RORA: variants seen among roughly 807,000 people sequenced by gnomAD.
RORA encodes the protein RAR related orphan receptor A, also known as nuclear receptor ROR-alpha.
Under a neutral mutation model 69.5 loss-of-function variants are expected in RORA, and 7 were observed. That is an observed-to-expected ratio of 0.10 (90% CI 0.06 to 0.19). RORA has a LOEUF of 0.19. Among genes scored for constraint, RORA ranks in the 10% least tolerant of loss-of-function variants. The pLI, the probability that RORA is intolerant of heterozygous loss-of-function variation, is 1.00. For synonymous variants in RORA, 261 were observed against 240.8 expected (o/e 1.08, Z -0.78); for missense variants, 457 against 663.0 (o/e 0.69, Z 3.41).
intron 1 of RORA, among the ~76,000 whole-genome samples, chr15:60,786,040 A>G (rs1229667504): frequency 6.6e-6 from 1 of 152,238 alleles, no homozygotes; most frequent in Non-Finnish European, 1.5e-5. Flanking sequence ...ACTTCACCAA[A>G]ATCTTTTATT....
At chr15:61,198,412 G>A (rs560001342) in intron 1 of RORA, among the ~76,000 whole-genome samples, 1 of 152,172 alleles carries the variant, frequency 6.6e-6, no homozygotes, top group African/African-American at 2.4e-5. Context: ...ATCCACATCT[G>A]CATTTGCTAA....
chr15:61,071,819 A>G (rs1595948583), intron 1 of RORA, among the ~76,000 whole-genome samples: 1 of 152,198 alleles, frequency 6.6e-6, no homozygotes, highest in East Asian at 1.9e-4. Flanking sequence ...GTGTTACTAA[A>G]TACTGTTCTC....
intron 1 of RORA, among the ~76,000 whole-genome samples, chr15:61,114,624 C>T (rs2079034367): frequency 1.3e-5 from 2 of 152,170 alleles, no homozygotes; most frequent in South Asian, 4.1e-4. Flanking sequence ...AGTAAAAATG[C>T]TATAGGCCAA....
At chr15:60,794,295 C>T (rs983665392) in intron 1 of RORA, among the ~76,000 whole-genome samples, 7 of 152,202 alleles carry the variant, frequency 4.6e-5, no homozygotes, top group South Asian at 4.1e-4. Context: ...TGTTTCACCG[C>T]GTTCTTGAGA....
intron 1 of RORA, among the ~76,000 whole-genome samples, chr15:61,011,241 C>T (rs1895076997): frequency 6.6e-6 from 1 of 152,106 alleles, no homozygotes; most frequent in African/African-American, 2.4e-5. Flanking sequence ...CATTCTCTTC[C>T]TTGATCCATT....
In RORA at chr15:60,816,891, T is replaced by G. The variant is rs908660629; in HGVS notation, c.167-138205A>C. Among the ~76,000 whole-genome samples the G allele has an allele frequency of 2.6e-5, 4 of 152,218 alleles. No individual in the cohort carries two copies. In the South Asian group the frequency reaches 6.2e-4, roughly 24 times the overall value. On this transcript the variant is annotated intron_variant, in intron 1 of 10. Transcript: ENST00000335670. ...TTGTTTTAAAATGTCTCCTTTTATA[T>G]GTAGTCACATTTTCTGTTTTAAATG...
chr15:61,206,448 T>C (rs953721541), intron 1 of RORA, among the ~76,000 whole-genome samples: 1 of 152,180 alleles, frequency 6.6e-6, no homozygotes, highest in African/African-American at 2.4e-5. Flanking sequence ...GGGAAACACG[T>C]GGACAACCCC....
intron 1 of RORA, among the ~76,000 whole-genome samples, chr15:60,965,296 G>C (rs748449683): frequency 4.6e-5 from 7 of 152,110 alleles, no homozygotes; most frequent in African/African-American, 9.7e-5. Flanking sequence ...CCCTGTCATA[G>C]AGCATCCCAG....
chr15:60,697,642 A>C (rs997185154), intron 1 of RORA, among the ~76,000 whole-genome samples: 8 of 152,054 alleles, frequency 5.3e-5, no homozygotes, highest in African/African-American at 1.9e-4. Flanking sequence ...TGCTCTACAT[A>C]AAATAAGGCC....
intron 1 of RORA, among the ~76,000 whole-genome samples, chr15:61,223,966 C>A: frequency 6.7e-6 from 1 of 148,352 alleles, no homozygotes; most frequent in Admixed American, 6.7e-5. Context: ...AATTTAACAG[C>A]TCATTTCTAA....
chr15:61,125,837 C>G (rs811944), intron 1 of RORA, among the ~76,000 whole-genome samples: 1 of 152,130 alleles, frequency 6.6e-6, no homozygotes. Flanking sequence ...TTAGCACATT[C>G]TTAAAAAATC....
chr15:61,162,276 T>C (rs1387456920), intron 1 of RORA, among the ~76,000 whole-genome samples: 1 of 152,214 alleles, frequency 6.6e-6, no homozygotes, highest in Admixed American at 6.5e-5. Context: ...CAGAAAGATG[T>C]GTCTGGTAAC....
chr15:60,995,094 G>A (rs1158964607), intron 1 of RORA, among the ~76,000 whole-genome samples: 1 of 152,184 alleles, frequency 6.6e-6, no homozygotes, highest in Non-Finnish European at 1.5e-5. Context: ...AGAAGAAGAA[G>A]AAGAAAGAGG....
intron 1 of RORA, among the ~76,000 whole-genome samples, chr15:61,212,747 T>A (rs573981175): frequency 6.6e-6 from 1 of 152,126 alleles, no homozygotes; most frequent in East Asian, 1.9e-4. Context: ...CCCAATCCAC[T>A]TTTGTGAGAG....
At chr15:60,703,705 C>T (rs1489287866) in intron 1 of RORA, among the ~76,000 whole-genome samples, 1 of 152,154 alleles carries the variant, frequency 6.6e-6, no homozygotes, top group Non-Finnish European at 1.5e-5. Flanking sequence ...TCACATCACA[C>T]ATCCTTTCTG....
chr15:60,980,683 C>T (rs1023946892), intron 1 of RORA, among the ~76,000 whole-genome samples: 3 of 151,972 alleles, frequency 2.0e-5, no homozygotes, highest in Non-Finnish European at 4.4e-5. Context: ...TCATTATATT[C>T]TCTTAAAATC....
intron 1 of RORA, among the ~76,000 whole-genome samples, chr15:60,971,571 C>T (rs1248673271): frequency 6.6e-6 from 1 of 152,196 alleles, no homozygotes; most frequent in Admixed American, 6.5e-5. Context: ...TCTCCTCACT[C>T]CATTGCAATC....
At chr15:60,517,786 T>C (rs2066015081) in intron 3 of RORA, among the ~76,000 whole-genome samples, 1 of 152,212 alleles carries the variant, frequency 6.6e-6, no homozygotes, top group East Asian at 1.9e-4. Flanking sequence ...TTAGCTGAAG[T>C]TGAGTTTTGT....
chr15:60,866,755 C>T (rs1166829186), intron 1 of RORA, among the ~76,000 whole-genome samples: 1 of 152,142 alleles, frequency 6.6e-6, no homozygotes, highest in East Asian at 1.9e-4. Context: ...GGGTGGCATG[C>T]CCATCCCCTA....
Sources: gnomAD v4.1 joint callset for allele counts (sites outside exome capture counted in the v4.1 genomes callset) on GRCh38, gnomAD v4.1.1 for gene constraint, MANE v1.5 for transcripts, NCBI Gene and HGNC (gene_info 2026-07-23, HGNC 2026-07-21) for gene names.